The following FMC1 variants were observed in gnomAD, a reference collection of about 807,000 sequenced individuals.
FMC1 encodes formation of mitochondrial complex V assembly factor 1, also known as protein FMC1 homolog.
FMC1 carries 6 observed loss-of-function variants against 10.5 expected under a neutral mutation model. That is an observed-to-expected ratio of 0.57 (90% CI 0.31 to 1.12). FMC1 has a LOEUF of 1.12. FMC1 is among the 50% of genes most tolerant of loss of function. The pLI, the probability that FMC1 is intolerant of heterozygous loss-of-function variation, is 0.05. For missense variants in FMC1, 146 were observed against 151.7 expected, an observed-to-expected ratio of 0.96 and a Z score of 0.20; for synonymous variants, 59 against 62.1, an observed-to-expected ratio of 0.95 and a Z score of 0.24.
Position 139,341,394 on chromosome 7 carries a change from T to G in FMC1, c.10T>G (p.Leu4Val), listed in dbSNP as rs776320891. The stretch of plus-strand genomic sequence containing the variant: ...GGAGAAGGACAGGACAATGGCGGCC[T>G]TAGGGTCCCCGTCGCACACTTTTCG... MAA[L>V]GSPSHTFRGL... Residue 4 changes from leucine (L) to valine (V), a missense_variant, in exon 1 of 2, where the codon TTA (leucine) becomes GTA (valine). Transcript: ENST00000297534. 6.2e-7 allele frequency: 1 copy of G among 1,612,950 alleles called. No individual in the cohort carries two copies. Among genetic ancestry groups the G allele is most frequent in the Admixed American group, 1.7e-5 (1 of 60,006 alleles).
At position 139,341,362 on chromosome 7, in the gene FMC1, C is replaced by T; in HGVS notation, c.-23C>T. 1 of 1,595,964 alleles carries T rather than the reference C, an allele frequency of 6.3e-7. No homozygotes were observed. The highest frequency in any genetic ancestry group is 2.3e-5 in the East Asian group (1 of 44,350). On this transcript the variant is annotated 5_prime_UTR_variant, in exon 1 of 2. Transcript: ENST00000297534. ...AGGGTCGTAGGACGCCGTTGGGCAC[C>T]ACGCTCGGAGAAGGACAGGACAATG...
chr7:139,342,692 C>G (rs1371999289), intron 1 of FMC1, among the ~76,000 whole-genome samples: 2 of 152,160 alleles, frequency 1.3e-5, no homozygotes, highest in Non-Finnish European at 2.9e-5. Flanking sequence ...GAACTCCTGA[C>G]CTCAGGTGAT....
intron 1 of FMC1, among the ~76,000 whole-genome samples, chr7:139,342,893 C>T (rs1209345175): frequency 6.6e-6 from 1 of 152,180 alleles, no homozygotes; most frequent in Non-Finnish European, 1.5e-5. Flanking sequence ...CTCTGGAATG[C>T]ACTTGAGCAT....
rs1015690391 is a variant in FMC1 at position 139,345,977 on chromosome 7, C to T, written c.*273C>T. On this transcript the variant is annotated 3_prime_UTR_variant, in exon 2 of 2. Transcript: ENST00000297534. ...CCTTAGCCAGGCACGGTGGCTCACG[C>T]CTGTAATCCCAGCACTTTGGGAGGC... The T allele has an allele frequency of 4.6e-6, 1 of 219,398 alleles. No homozygotes were observed. Among genetic ancestry groups the T allele is most frequent in the African/African-American group, 2.4e-5 (1 of 42,318 alleles). 13.6% of individuals were successfully genotyped at this position (219,398 alleles called of 1,614,324 possible).
chr7:139,343,742 C>G (rs1799116580), intron 1 of FMC1, among the ~76,000 whole-genome samples: 1 of 151,946 alleles, frequency 6.6e-6, no homozygotes, highest in Non-Finnish European at 1.5e-5. Flanking sequence ...CACGACCAGC[C>G]TGGGCAACAT....
chr7:139,341,876 T>C (rs1798998378), intron 1 of FMC1, among the ~76,000 whole-genome samples: 1 of 151,804 alleles, frequency 6.6e-6, no homozygotes, highest in African/African-American at 2.4e-5. Context: ...GAAGATGGAG[T>C]TGAAGGGTGT....
At position 139,341,396 on chromosome 7, in the gene FMC1, A is replaced by G; in HGVS notation, c.12A>G (p.Leu4=). 6.2e-7 allele frequency: 1 copy of G among 1,613,132 alleles called. No homozygotes were observed. The highest frequency in any genetic ancestry group is 8.5e-7 in the Non-Finnish European group (1 of 1,179,822). Residue 4 remains leucine (L), a synonymous_variant, in exon 1 of 2, where the codon TTA becomes TTG. Coordinates refer to ENST00000297534, the MANE Select transcript of FMC1 (RefSeq NM_197964.5). MAA[L]GSPSHTFRGL... ...AGAAGGACAGGACAATGGCGGCCTT[A>G]GGGTCCCCGTCGCACACTTTTCGAG...
upstream of FMC1, chr7:139,340,630 A>C (rs1403752095): frequency 5.0e-6 from 2 of 396,702 alleles, no homozygotes; most frequent in Non-Finnish European, 8.9e-6. Flanking sequence ...GTAAGGCGAA[A>C]ATGAAGTGAC....
At position 139,345,779 on chromosome 7, in the gene FMC1, AT is replaced by A; in HGVS notation, c.*83del. 1.5e-5 allele frequency: 22 copies of A among 1,427,446 alleles called. No individual in the cohort carries two copies. Among genetic ancestry groups the A allele is most frequent in the Non-Finnish European group, 1.9e-5 (21 of 1,079,534 alleles). 88.4% of individuals were successfully genotyped at this position (1,427,446 alleles called of 1,614,324 possible). The stretch of plus-strand genomic sequence containing the variant: ...TCTATCAATATGTATTTATCATTAA[AT>A]TTTTTTTAAGTTTAAGGTTTTTCTC... On this transcript the variant is annotated 3_prime_UTR_variant, in exon 2 of 2. Coordinates refer to ENST00000297534, the MANE Select transcript of FMC1 (RefSeq NM_197964.5).
intron 1 of FMC1, among the ~76,000 whole-genome samples, chr7:139,343,928 A>C (rs1169107986): frequency 6.8e-5 from 10 of 146,414 alleles, no homozygotes; most frequent in South Asian, 2.2e-4. Flanking sequence ...CCTGTCCCCA[A>C]AAAAAAAAAA....
At chr7:139,341,149 T>G, upstream of FMC1, 1 of 541,026 alleles carries the variant, frequency 1.8e-6, no homozygotes, top group Non-Finnish European at 2.9e-6. Context: ...TTGTTCTGGG[T>G]TAGAGGTCCT....
chr7:139,342,803 AC>A (rs1413726548), intron 1 of FMC1, among the ~76,000 whole-genome samples: 2 of 152,124 alleles, frequency 1.3e-5, no homozygotes, highest in African/African-American at 4.8e-5. Flanking sequence ...TTATAGTTGT[AC>A]CTTATGGGGA....
intron 1 of FMC1, chr7:139,344,990 G>A (rs1395683559): frequency 6.6e-6 from 1 of 152,180 alleles, no homozygotes; most frequent in African/African-American, 2.4e-5. Context: ...TGGGATTACA[G>A]GTGTGAGCCA....
chr7:139,341,951 T>C (rs1460808259), intron 1 of FMC1, among the ~76,000 whole-genome samples: 12 of 152,164 alleles, frequency 7.9e-5, no homozygotes, highest in Admixed American at 7.2e-4. Context: ...CCTAGAAAAG[T>C]TATTCTAAGA....
chr7:139,342,601 AGGC>A (rs1410121157), intron 1 of FMC1, among the ~76,000 whole-genome samples: 2 of 152,164 alleles, frequency 1.3e-5, no homozygotes, highest in African/African-American at 4.8e-5. Context: ...TAGTACAGGC[AGGC>A]GACATGCGAC....
rs564493279 is a variant in FMC1 at position 139,346,241 on chromosome 7, C to CAAA, written c.*551_*553dup. On this transcript the variant is annotated 3_prime_UTR_variant, in exon 2 of 2. Transcript: ENST00000297534. ...GGGCAACAAGAGCAAAACTCTGTCTCAAAAAAAAAAAAAAAATTAGTATAA... is the reference window on the plus strand; with the variant it reads ...GGGCAACAAGAGCAAAACTCTGTCTCAAAAAAAAAAAAAAAAAAATTAGTATAA... 520 of 124,024 alleles carry CAAA rather than the reference C, an allele frequency of 4.2e-3. 4 individuals are homozygous for CAAA. The highest frequency in any genetic ancestry group is 0.013 in the African/African-American group (489 of 36,390). 7.7% of individuals were successfully genotyped at this position (124,024 alleles called of 1,614,324 possible).
chr7:139,345,165 T>G (rs1799212008), intron 1 of FMC1, among the ~76,000 whole-genome samples: 1 of 152,144 alleles, frequency 6.6e-6, no homozygotes, highest in African/African-American at 2.4e-5. Flanking sequence ...TAATTATAAT[T>G]TCCATATCTA....
chr7:139,345,594 G>A lies in FMC1; in HGVS notation c.232G>A (p.Ala78Thr). 1 of 1,614,058 alleles carries A rather than the reference G, an allele frequency of 6.2e-7. No homozygotes were observed. Among genetic ancestry groups the A allele is most frequent in the Non-Finnish European group, 8.5e-7 (1 of 1,180,014 alleles). ...CCTGCGTAGCATCCGGAAACATGTG[G>A]CCCTACATCAGGAATTTCATGGCAA... ...CLLRSIRKHV[A>T]LHQEFHGKGE... is the part of the protein sequence containing the mutation. The change falls in exon 2 of 2, where the codon GCC becomes ACC. Residue 78 changes from alanine to threonine, a missense_variant. Coordinates refer to ENST00000297534, the MANE Select transcript of FMC1 (RefSeq NM_197964.5).
At position 139,341,439 on chromosome 7, in the gene FMC1, C is replaced by A. The variant is rs1271381467; in HGVS notation, c.55C>A (p.Arg19Ser). Reference sequence around the variant, plus strand: ...TTTTCGAGGACTTCTGCGGGAGTTGCGCTACCTGAGCGCGGCCACCGGCCG... The same window carrying A: ...TTTTCGAGGACTTCTGCGGGAGTTGAGCTACCTGAGCGCGGCCACCGGCCG... ...HTFRGLLREL[R>S]YLSAATGRPY... The change falls in exon 1 of 2, where the codon CGC becomes AGC. Residue 19 changes from arginine (R) to serine (S), a missense_variant. Arg to Ser is a moderately radical substitution (Grantham distance 110). Coordinates refer to ENST00000297534, the MANE Select transcript of FMC1 (RefSeq NM_197964.5). The A allele has an allele frequency of 1.9e-5, 30 of 1,613,512 alleles. No individual in the cohort carries two copies. Among genetic ancestry groups the A allele is most frequent in the Non-Finnish European group, 2.5e-5 (30 of 1,180,006 alleles).
Sources: allele counts gnomAD v4.1 joint callset (sites outside exome capture counted in the v4.1 genomes callset), GRCh38; gene constraint gnomAD v4.1.1; transcripts MANE v1.5; gene names NCBI Gene and HGNC (gene_info 2026-07-23, HGNC 2026-07-21).